Variants in UGT1A9 observed in about 807,000 individuals in gnomAD.
The protein encoded by UGT1A9 is UDP glucuronosyltransferase family 1 member A9.
A neutral mutation model predicts 45.0 loss-of-function variants in UGT1A9; 35 were observed. That is an observed-to-expected ratio of 0.78 (90% CI 0.59 to 1.03). The LOEUF is 1.03. Among genes scored for constraint, UGT1A9 ranks in the 50% least tolerant of loss-of-function variants. The pLI is 0.00. For synonymous variants in UGT1A9, 278 were observed against 250.6 expected, an observed-to-expected ratio of 1.11 and a Z score of -1.03; for missense variants, 687 against 666.6, an observed-to-expected ratio of 1.03 and a Z score of -0.34.
chr2:233,709,352 A>G (rs1366847300), intron 1 of UGT1A9, among the ~76,000 whole-genome samples: 2 of 152,340 alleles, frequency 1.3e-5, no homozygotes, highest in East Asian at 1.9e-4. Flanking sequence ...ACCTATTACT[A>G]TATAGATTTT....
intron 1 of UGT1A9, chr2:233,693,300 T>C: frequency 1.2e-6 from 2 of 1,614,182 alleles, no homozygotes; most frequent in African/African-American, 2.7e-5. Context: ...AACAATCACT[T>C]TGCTGAGCGA....
chr2:233,756,838 A>G (rs967837640), intron 1 of UGT1A9, among the ~76,000 whole-genome samples: 1 of 152,148 alleles, frequency 6.6e-6, no homozygotes, highest in African/African-American at 2.4e-5. Context: ...ATGATTAACC[A>G]AAGAACATTC....
chr2:233,702,928 C>A (rs2075715316), intron 1 of UGT1A9, among the ~76,000 whole-genome samples: 1 of 152,064 alleles, frequency 6.6e-6, no homozygotes, highest in Admixed American at 6.5e-5. Flanking sequence ...TCTTGCGGAG[C>A]CTTGGTCTGT....
intron 1 of UGT1A9, chr2:233,754,910 C>A: frequency 7.4e-7 from 1 of 1,353,942 alleles, no homozygotes; most frequent in African/African-American, 1.5e-5. Flanking sequence ...CCAAAATATT[C>A]TCCAGCGGGT....
At chr2:233,721,896 G>T in intron 1 of UGT1A9, 1 of 474,320 alleles carries the variant, frequency 2.1e-6, no homozygotes, top group South Asian at 1.5e-5. Flanking sequence ...TTGCAATATC[G>T]AAATGGTGCA....
intron 1 of UGT1A9, chr2:233,717,847 A>G (rs1429786450): frequency 2.2e-6 from 1 of 455,006 alleles, no homozygotes; most frequent in Non-Finnish European, 4.4e-6. Flanking sequence ...CATTCTTATC[A>G]GAACTTGGTG....
chr2:233,748,553 T>G (rs1693970920), intron 1 of UGT1A9, among the ~76,000 whole-genome samples: 1 of 151,806 alleles, frequency 6.6e-6, no homozygotes, highest in Admixed American at 6.5e-5. Context: ...ACCTAAGCAC[T>G]CGCAGGAAGT....
At chr2:233,716,855 C>T (rs1330828903) in intron 1 of UGT1A9, among the ~76,000 whole-genome samples, 6 of 152,192 alleles carry the variant, frequency 3.9e-5, no homozygotes, top group African/African-American at 1.4e-4. Context: ...ACCACATATG[C>T]TGATGGCTCC....
rs199688431 is a variant in UGT1A9 at position 233,719,254 on chromosome 2, C to G, written c.855+46465C>G. On this transcript the variant is annotated intron_variant, in intron 1 of 4. Transcript: ENST00000354728. Reference sequence around the variant, plus strand: ...CTGATCAGGCACCTGAATGCTACTTCCTTTGATGTGGTTTTAACAGACCCC... The same window carrying G: ...CTGATCAGGCACCTGAATGCTACTTGCTTTGATGTGGTTTTAACAGACCCC... The G allele has an allele frequency of 3.7e-6, 6 of 1,614,048 alleles. No individual in the cohort carries two copies. In the Admixed American group the frequency reaches 1.0e-4, roughly 27 times the overall value.
intron 1 of UGT1A9, chr2:233,729,914 T>G (rs774517230): frequency 6.2e-7 from 1 of 1,614,026 alleles, no homozygotes. Context: ...GACTTTGTGA[T>G]GGACTACCCC....
At position 233,672,182 on chromosome 2, in the gene UGT1A9, T is replaced by C; in HGVS notation, c.248T>C (p.Leu83Pro). 2 of 1,614,184 alleles carry C rather than the reference T, an allele frequency of 1.2e-6. No individual in the cohort carries two copies. The highest frequency in any genetic ancestry group is 4.5e-5 in the East Asian group (2 of 44,890). The stretch of plus-strand genomic sequence containing the variant: ...AAGACTTATTCAACTTCATATACCC[T>C]GGAGGATCTGGACCGGGAGTTCAAG... Reference protein sequence around the residue: ...TVKTYSTSYTLEDLDREFKAF... With the variant: ...TVKTYSTSYTPEDLDREFKAF... Residue 83 changes from leucine to proline, a missense_variant, in exon 1 of 5, where the codon CTG becomes CCG. By Grantham distance (98) the Leu-to-Pro change is moderately conservative (BLOSUM62 -3). Transcript: ENST00000354728.
At chr2:233,707,961 T>C (rs971341619) in intron 1 of UGT1A9, among the ~76,000 whole-genome samples, 10 of 152,228 alleles carry the variant, frequency 6.6e-5, no homozygotes, top group Non-Finnish European at 1.2e-4. Flanking sequence ...CTTTTGCCCA[T>C]TCAAGTCTAT....
At chr2:233,673,108 C>T (rs893006971) in intron 1 of UGT1A9, among the ~76,000 whole-genome samples, 3 of 152,054 alleles carry the variant, frequency 2.0e-5, no homozygotes, top group Non-Finnish European at 4.4e-5. Flanking sequence ...TATGCCCGCC[C>T]CAGAGGAAAT....
intron 1 of UGT1A9, among the ~76,000 whole-genome samples, chr2:233,761,417 G>A (rs1445848635): frequency 6.6e-6 from 1 of 152,202 alleles, no homozygotes; most frequent in Non-Finnish European, 1.5e-5. Context: ...GAAACAACAA[G>A]CTGTTAAATG....
At chr2:233,770,519 A>C (rs1327661350) in intron 4 of UGT1A9, 1 of 152,120 alleles carries the variant, frequency 6.6e-6, no homozygotes, top group South Asian at 2.1e-4. Context: ...TTACCCAGGC[A>C]TGGTGGTGTA....
At chr2:233,719,061 G>A (rs193183920) in intron 1 of UGT1A9, 1 of 1,614,280 alleles carries the variant, frequency 6.2e-7, no homozygotes, top group Admixed American at 1.7e-5. Flanking sequence ...GACAGCCTAT[G>A]CTGTTCCATG....
chr2:233,692,052 T>G (rs1388917886), intron 1 of UGT1A9: 1 of 152,078 alleles, frequency 6.6e-6, no homozygotes, highest in Non-Finnish European at 1.5e-5. Flanking sequence ...ACCCTTGCGA[T>G]TAGAGGGAAG....
At chr2:233,730,783 G>A (rs968780327) in intron 1 of UGT1A9, among the ~76,000 whole-genome samples, 1 of 152,100 alleles carries the variant, frequency 6.6e-6, no homozygotes, top group Non-Finnish European at 1.5e-5. Flanking sequence ...AGTGAAGCTG[G>A]GGACAGTGAT....
chr2:233,747,477 T>G lies in UGT1A9; in HGVS notation c.856-19557T>G, dbSNP rs1368203969. 4 of 1,608,578 alleles carry G rather than the reference T, an allele frequency of 2.5e-6. No homozygotes were observed. In the Admixed American group the frequency reaches 6.7e-5, roughly 27 times the overall value. Reference sequence around the variant, plus strand: ...TGCCATTTCATGGACCCAGGATGAATTTGATCGCCTTGTGCTGGGCCACAC... The same window carrying G: ...TGCCATTTCATGGACCCAGGATGAAGTTGATCGCCTTGTGCTGGGCCACAC... On this transcript the variant is annotated intron_variant, in intron 1 of 4. Transcript: ENST00000354728.
Sources: gnomAD v4.1 joint callset for allele counts (sites outside exome capture counted in the v4.1 genomes callset) on GRCh38, gnomAD v4.1.1 for gene constraint, MANE v1.5 for transcripts, NCBI Gene and HGNC (gene_info 2026-07-23, HGNC 2026-07-21) for gene names.